The following MSRB3 variants were observed in gnomAD, a reference collection of about 807,000 sequenced individuals.
MSRB3 encodes the protein methionine-R-sulfoxide reductase B3.
Under a neutral mutation model 21.0 loss-of-function variants are expected in MSRB3, and 13 were observed. The ratio of observed to expected loss-of-function variants is 0.62; its 90% CI spans 0.40 to 0.98. The LOEUF (loss-of-function observed/expected upper bound fraction) is 0.98, where lower values mean the gene tolerates loss of function less well. Among genes scored for constraint, MSRB3 ranks in the 50% least tolerant of loss-of-function variants. The pLI is 0.00. For missense variants in MSRB3, 199 were observed against 230.3 expected (o/e 0.86, Z 0.88); for synonymous variants, 87 against 88.6 (o/e 0.98, Z 0.10).
In MSRB3 at chr12:65,361,548, C is replaced by T. The variant is rs137985955; in HGVS notation, c.264-7450C>T. ...AGCTTCTAAATATATTTTTATATAC[C>T]TTTTGCTCTTTTAGTTTCTTTGAGT... is the stretch of plus-strand genomic sequence containing the variant. On this transcript the variant is annotated intron_variant, in intron 4 of 6. Coordinates refer to ENST00000308259, the MANE Select transcript of MSRB3 (RefSeq NM_001031679.3). Among the ~76,000 whole-genome samples the T allele has an allele frequency of 2.0e-5, 3 of 152,188 alleles. No individual in the cohort carries two copies. The East Asian group carries it at 5.8e-4, about 29-fold the overall frequency.
chr12:65,442,052 G>A (rs1428850342), intron 5 of MSRB3, among the ~76,000 whole-genome samples: 1 of 151,946 alleles, frequency 6.6e-6, no homozygotes, highest in African/African-American at 2.4e-5. Flanking sequence ...AATTTTAGTA[G>A]GTGGACTAAG....
In MSRB3 at chr12:65,326,870, C is replaced by T. The variant is rs1254469733; in HGVS notation, c.121C>T (p.Gln41Ter). The T allele has an allele frequency of 3.1e-6, 5 of 1,612,062 alleles. No individual in the cohort carries two copies. Among genetic ancestry groups the T allele is most frequent in the Admixed American group, 1.7e-5 (1 of 59,848 alleles). ...KKNCKVVFSQ[Q>*]ELRKRLTPLQ... ...GAACTGTAAGGTGGTCTTTTCCCAG[C>T]AGGAACTGAGGAAGCGGCTAACACC... Residue 41 changes from glutamine (Q) to a stop codon, truncating the protein, a stop_gained, in exon 3 of 7, where the codon CAG (glutamine) becomes TAG (stop). Coordinates refer to ENST00000308259, the MANE Select transcript of MSRB3 (RefSeq NM_001031679.3). LOFTEE classifies it high-confidence loss of function.
intron 4 of MSRB3, among the ~76,000 whole-genome samples, chr12:65,339,853 C>T (rs900255475): frequency 6.6e-6 from 1 of 152,124 alleles, no homozygotes; most frequent in Non-Finnish European, 1.5e-5. Flanking sequence ...TCAGCTCAGT[C>T]CCCAAATTGA....
chr12:65,389,267 A>G (rs1026734490), intron 5 of MSRB3, among the ~76,000 whole-genome samples: 3 of 152,100 alleles, frequency 2.0e-5, no homozygotes, highest in Non-Finnish European at 2.9e-5. Flanking sequence ...TGGAGCTGTG[A>G]TTCCATTGTA....
chr12:65,337,879 G>C lies in MSRB3; in HGVS notation c.263+9276G>C, dbSNP rs574611996. Among the ~76,000 whole-genome samples the C allele has an allele frequency of 9.9e-5, 15 of 152,150 alleles. No individual in the cohort carries two copies. In the South Asian group the frequency reaches 2.7e-3, roughly 27 times the overall value. On this transcript the variant is annotated intron_variant, in intron 4 of 6. Transcript: ENST00000308259. ...TCTCCAAATTATATAACTTACATGA[G>C]TAACTCAGAGTTTTAATACATTTGT...
chr12:65,308,801 A>G (rs889791060), intron 2 of MSRB3, 146 bp downstream of exon 2: 1 of 1,011,336 alleles, frequency 9.9e-7, no homozygotes, highest in African/African-American at 1.6e-5. Flanking sequence ...GTTATAAATC[A>G]CCACTCTACT....
intron 2 of MSRB3, among the ~76,000 whole-genome samples, chr12:65,323,975 C>T (rs1011577007): frequency 2.0e-5 from 3 of 152,108 alleles, no homozygotes; most frequent in African/African-American, 7.2e-5. Context: ...TTCTAGTCTA[C>T]ATATATTTCC....
intron 5 of MSRB3, among the ~76,000 whole-genome samples, chr12:65,393,330 G>C (rs548843904): frequency 3.9e-5 from 6 of 151,944 alleles, no homozygotes; most frequent in Non-Finnish European, 7.4e-5. Context: ...TTTATTATAA[G>C]GGAGACACTT....
intron 5 of MSRB3, among the ~76,000 whole-genome samples, chr12:65,386,554 A>C (rs1431792017): frequency 1.3e-5 from 2 of 151,996 alleles, no homozygotes; most frequent in Non-Finnish European, 2.9e-5. Context: ...CACTTAAACA[A>C]ATACTTCATA....
At chr12:65,462,586 T>C (rs541478369) in intron 6 of MSRB3, among the ~76,000 whole-genome samples, 1 of 152,246 alleles carries the variant, frequency 6.6e-6, no homozygotes, top group Non-Finnish European at 1.5e-5. Flanking sequence ...AGATGTTTCC[T>C]TTTGCTACAT....
chr12:65,394,037 A>C (rs1879640116), intron 5 of MSRB3, among the ~76,000 whole-genome samples: 2 of 152,282 alleles, frequency 1.3e-5, no homozygotes, highest in African/African-American at 4.8e-5. Flanking sequence ...CTAAGTAGGA[A>C]TATGTAGACT....
intron 5 of MSRB3, among the ~76,000 whole-genome samples, chr12:65,450,975 A>G (rs1882831964): frequency 6.6e-6 from 1 of 151,882 alleles, no homozygotes; most frequent in Non-Finnish European, 1.5e-5. Context: ...TTAAGTACTT[A>G]CCTTTCTGAT....
chr12:65,449,205 ATTT>A (rs11313276), intron 5 of MSRB3, among the ~76,000 whole-genome samples: 3 of 139,854 alleles, frequency 2.1e-5, no homozygotes, highest in Admixed American at 7.2e-5. Flanking sequence ...ATTTTTTTGT[ATTT>A]TTTTTTTTTT....
chr12:65,299,604 A>C (rs2136408521), intron 1 of MSRB3, among the ~76,000 whole-genome samples: 1 of 152,310 alleles, frequency 6.6e-6, no homozygotes, highest in African/African-American at 2.4e-5. Context: ...GAAGGTGAGA[A>C]ATGAGGCTGT....
intron 5 of MSRB3, among the ~76,000 whole-genome samples, chr12:65,428,444 A>T (rs564140963): frequency 3.3e-5 from 5 of 151,882 alleles, no homozygotes; most frequent in African/African-American, 1.2e-4. Flanking sequence ...GATATCTCCT[A>T]CTCTGCCATT....
At chr12:65,327,037 A>T (rs1233307220) in intron 3 of MSRB3, 103 bp downstream of exon 3, 2 of 833,230 alleles carry the variant, frequency 2.4e-6, no homozygotes, top group Middle Eastern at 2.6e-4. Context: ...TTCTATACTT[A>T]CTTGCTAAAG....
intron 3 of MSRB3, among the ~76,000 whole-genome samples, chr12:65,328,261 G>GA (rs1173814360): frequency 4.0e-5 from 6 of 150,772 alleles, no homozygotes; most frequent in African/African-American, 1.5e-4. Flanking sequence ...TTTTTTAATA[G>GA]AAAAAAATCT....
chr12:65,292,031 G>A (rs966391919), intron 1 of MSRB3, among the ~76,000 whole-genome samples: 12 of 152,188 alleles, frequency 7.9e-5, no homozygotes, highest in African/African-American at 1.4e-4. Flanking sequence ...CACAGTGGTG[G>A]TGGCAGAACT....
At chr12:65,333,226 C>T (rs891138017) in intron 4 of MSRB3, among the ~76,000 whole-genome samples, 2 of 152,088 alleles carry the variant, frequency 1.3e-5, no homozygotes, top group Non-Finnish European at 2.9e-5. Flanking sequence ...AACGTACTTA[C>T]TTTTTTGGCA....
Sources: allele counts gnomAD v4.1 joint callset (sites outside exome capture counted in the v4.1 genomes callset), GRCh38; gene constraint gnomAD v4.1.1; transcripts MANE v1.5; gene names NCBI Gene and HGNC (gene_info 2026-07-23, HGNC 2026-07-21).